Variants in ESPN observed in about 807,000 individuals in gnomAD.
ESPN encodes the protein espin.
A neutral mutation model predicts 77.7 loss-of-function variants in ESPN; 68 were observed. The observed-to-expected ratio is 0.87, with a 90% CI of 0.72 to 1.07. The LOEUF is 1.07. Ranked by LOEUF, ESPN falls within the 50% of genes least tolerant of loss-of-function variation. ESPN has a pLI of 0.00. For synonymous variants in ESPN, 449 were observed against 567.1 expected, an observed-to-expected ratio of 0.79 and a Z score of 2.96; for missense variants, 1,060 against 1,239.0, an observed-to-expected ratio of 0.86 and a Z score of 2.17.
At position 6,425,238 on chromosome 1, in the gene ESPN, T is replaced by G; in HGVS notation, c.283T>G (p.Cys95Gly). 6.4e-7 allele frequency: 1 copy of G among 1,566,392 alleles called. No individual in the cohort carries two copies. Among genetic ancestry groups the G allele is most frequent in the Non-Finnish European group, 8.6e-7 (1 of 1,164,768 alleles). The part of the protein sequence containing the change: ...CLQWLLSQGG[C>G]RVQDKDNSGA... Reference sequence around the variant, plus strand: ...GCAGTGGCTGCTGTCGCAGGGCGGCTGCAGAGTGCAGGTGGGTCCGCGCGG... The same window carrying G: ...GCAGTGGCTGCTGTCGCAGGGCGGCGGCAGAGTGCAGGTGGGTCCGCGCGG... The change falls in exon 1 of 13, where the codon TGC becomes GGC. Residue 95 changes from cysteine (C) to glycine (G), a missense_variant. By Grantham distance (159) the Cys-to-Gly change is radical. This residue lies in a region of ESPN where 556 missense variants were observed against 633.6 expected (regional missense o/e 0.88). Coordinates refer to ENST00000645284, the MANE Select transcript of ESPN (RefSeq NM_031475.3).
rs1557710069 is a variant in ESPN, at chr1:6,447,270, GC to G, written c.1464+1337del. On this transcript the variant is annotated intron_variant, in intron 7 of 12. Transcript: ENST00000645284. The surrounding 1 kb of genome is among the most constrained non-coding windows in gnomAD (Gnocchi z 5.2). ...GCCGTGTGCGTGCTGGGCCGCAGGC[GC>G]CAGGGCCGGGGCCCGGACGCTCCAC... is the stretch of plus-strand genomic sequence containing the variant. 6.6e-6 allele frequency: 1 copy of G among 152,242 alleles called. No individual in the cohort carries two copies. Among genetic ancestry groups the G allele is most frequent in the East Asian group, 1.9e-4 (1 of 5,192 alleles). The allele number at this position is 152,242 out of a possible 1,614,324, so 9.4% of individuals were successfully genotyped here.
intron 10 of ESPN, among the ~76,000 whole-genome samples, chr1:6,453,933 G>A (rs1446779579): frequency 6.6e-6 from 1 of 152,212 alleles, no homozygotes; most frequent in African/African-American, 2.4e-5. Flanking sequence ...GCCTCTTTAA[G>A]AGCGGAGTGG....
At chr1:6,453,390 C>T (rs574341168) in intron 10 of ESPN, among the ~76,000 whole-genome samples, 12 of 152,246 alleles carry the variant, frequency 7.9e-5, no homozygotes, top group African/African-American at 1.9e-4. Flanking sequence ...CAATGGGGAA[C>T]GCAGGGGACT....
chr1:6,433,197 C>T lies in ESPN; in HGVS notation c.488+4778C>T, dbSNP rs575818268. ...CAGTGGCTCATGCCTGTAATCCCAG[C>T]ACTTTGGGAAGCTGAGGCGGGCGGA... is the stretch of plus-strand genomic sequence containing the variant. On this transcript the variant is annotated intron_variant, in intron 2 of 12. Transcript: ENST00000645284. Among the ~76,000 whole-genome samples, 3 of 152,182 alleles carry T rather than the reference C, an allele frequency of 2.0e-5. No homozygotes were observed. In the East Asian group the frequency reaches 5.8e-4, roughly 29 times the overall value.
rs778471650 is a variant in ESPN at position 6,425,028 on chromosome 1, G to A, written c.73G>A (p.Gly25Ser). The change falls in exon 1 of 13, where the codon GGC becomes AGC. Residue 25 changes from glycine to serine, a missense_variant. Gly to Ser is a moderately conservative substitution (Grantham distance 56). Around this residue, in one of 3 missense-constraint regions of ESPN, gnomAD observed 556 missense variants for 633.6 expected, o/e 0.88. Transcript: ENST00000645284. ...CGTGCTGAGGTCGCTGCACGCCGCA[G>A]GCCTCCTGGGGCCCTCGCTGCGCGA... ...LDVLRSLHAA[G>S]LLGPSLRDPL... 4 of 1,466,604 alleles carry A rather than the reference G, an allele frequency of 2.7e-6. No individual in the cohort carries two copies. The South Asian group carries it at 5.2e-5, about 19-fold the overall frequency. The allele number at this position is 1,466,604 out of a possible 1,614,324, so 90.8% of individuals were successfully genotyped here.
rs570432061 is a variant in ESPN at position 6,447,371 on chromosome 1, C to G, written c.1465-1270C>G. 6 of 152,286 alleles carry G rather than the reference C, an allele frequency of 3.9e-5. No individual in the cohort carries two copies. Among genetic ancestry groups the G allele is most frequent in the Admixed American group, 3.3e-4 (5 of 15,296 alleles). 9.4% of individuals were successfully genotyped at this position (152,286 alleles called of 1,614,324 possible). A position where few individuals can be genotyped will look rare whatever the true frequency, so the allele number is the denominator to read the frequency against. ...GGGGCGGGAGCAGGGTCGTGGCGTC[C>G]GAACCTCCGGGCTGCAGGGGGCGCG... is the stretch of plus-strand genomic sequence containing the variant. On this transcript the variant is annotated intron_variant, in intron 7 of 12. Transcript: ENST00000645284. The surrounding 1 kb of genome is among the most constrained non-coding windows in gnomAD (Gnocchi z 5.2).
Position 6,440,633 on chromosome 1 carries a change from G to A in ESPN, c.683G>A (p.Cys228Tyr). 1 of 1,509,382 alleles carries A rather than the reference G, an allele frequency of 6.6e-7. No homozygotes were observed. Among genetic ancestry groups the A allele is most frequent in the Non-Finnish European group, 8.8e-7 (1 of 1,133,826 alleles). 93.5% of individuals were successfully genotyped at this position (1,509,382 alleles called of 1,614,324 possible). Residue 228 changes from cysteine to tyrosine, a missense_variant, in exon 4 of 13, where the codon TGC (cysteine) becomes TAC (tyrosine). Around this residue, in one of 3 missense-constraint regions of ESPN, gnomAD observed 556 missense variants for 633.6 expected, o/e 0.88. Coordinates refer to ENST00000645284, the MANE Select transcript of ESPN (RefSeq NM_031475.3). The part of the protein sequence containing the change: ...HSPVIVWLVS[C>Y]TDVSLSEQDK... Reference sequence around the variant, plus strand: ...CCCGCCCGTCCCGCCCAGGTGAGCTGCACCGACGTGAGCCTGTCCGAGCAG... The same window carrying A: ...CCCGCCCGTCCCGCCCAGGTGAGCTACACCGACGTGAGCCTGTCCGAGCAG...
chr1:6,459,738 A>G (rs1339173650), intron 12 of ESPN, among the ~76,000 whole-genome samples: 2 of 152,116 alleles, frequency 1.3e-5, no homozygotes, highest in Non-Finnish European at 2.9e-5. Flanking sequence ...ACAGTGACCC[A>G]GCACCTCTGT....
Position 6,441,006 on chromosome 1 carries a change from C to A in ESPN, c.931C>A (p.Leu311Met), listed in dbSNP as rs766939513. 16 of 1,610,240 alleles carry A rather than the reference C, an allele frequency of 9.9e-6. No homozygotes were observed. The highest frequency in any genetic ancestry group is 1.3e-5 in the Non-Finnish European group (15 of 1,179,282). ...CCGCGACGGGTACACGGCCGCCGACCTGTCGGACTTCAACGGCCACAGCCA... is the reference window on the plus strand; with the variant it reads ...CCGCGACGGGTACACGGCCGCCGACATGTCGGACTTCAACGGCCACAGCCA... ...RDRDGYTAAD[L>M]SDFNGHSHCT... Residue 311 changes from leucine to methionine, a missense_variant, in exon 5 of 13, where the codon CTG becomes ATG. Physicochemically the swap from Leu to Met is conservative, Grantham distance 15. Coordinates refer to ENST00000645284, the MANE Select transcript of ESPN (RefSeq NM_031475.3).
In ESPN at chr1:6,460,141, T is replaced by G; in HGVS notation, c.2560T>G (p.Tyr854Asp). The G allele has an allele frequency of 6.2e-7, 1 of 1,611,198 alleles. No individual in the cohort carries two copies. The highest frequency in any genetic ancestry group is 8.5e-7 in the Non-Finnish European group (1 of 1,179,362). The change falls in exon 13 of 13, where the codon TAC becomes GAC. Residue 854 changes from tyrosine to aspartate, a missense_variant. Transcript: ENST00000645284. Reference sequence around the variant, plus strand: ...CCTGAAGAAGGGGGACATCGCTAAGTACTAGAGGCCGCAGACTCCTGTCCG... The same window carrying G: ...CCTGAAGAAGGGGGACATCGCTAAGGACTAGAGGCCGCAGACTCCTGTCCG... Reference protein sequence around the residue: ...VILKKGDIAKY With the variant: ...VILKKGDIAKD
chr1:6,425,095 G>A lies in ESPN; in HGVS notation c.140G>A (p.Gly47Glu). ...ALPVHHAARA[G>E]KLHCLRFLVE... ...CCCGTGCACCACGCGGCCCGCGCTG[G>A]GAAGCTGCACTGTCTGCGCTTCCTG... Residue 47 changes from glycine (G) to glutamate (E), a missense_variant, in exon 1 of 13, where the codon GGG (glycine) becomes GAG (glutamate). By Grantham distance (98) the Gly-to-Glu change is moderately conservative. Around this residue, in one of 3 missense-constraint regions of ESPN, gnomAD observed 556 missense variants for 633.6 expected, o/e 0.88. Coordinates refer to ENST00000645284, the MANE Select transcript of ESPN (RefSeq NM_031475.3). The A allele has an allele frequency of 6.7e-7, 1 of 1,492,574 alleles. No individual in the cohort carries two copies. Among genetic ancestry groups the A allele is most frequent in the Non-Finnish European group, 8.9e-7 (1 of 1,129,472 alleles). 92.5% of individuals were successfully genotyped at this position (1,492,574 alleles called of 1,614,324 possible). A position where few individuals can be genotyped will look rare whatever the true frequency, so the allele number is the denominator to read the frequency against.
At chr1:6,458,055 CTT>C (rs897559452) in intron 12 of ESPN, among the ~76,000 whole-genome samples, 7 of 150,766 alleles carry the variant, frequency 4.6e-5, no homozygotes, top group African/African-American at 1.7e-4. Flanking sequence ...GGGTTTCACT[CTT>C]GTCACCCAAT....
chr1:6,454,602 G>A (rs1329069933), intron 10 of ESPN: 4 of 398,842 alleles, frequency 1.0e-5, no homozygotes, highest in Non-Finnish European at 1.3e-5. Flanking sequence ...GAAGCTGGAG[G>A]CGCGCCTCGA....
intron 2 of ESPN, among the ~76,000 whole-genome samples, chr1:6,438,972 C>T (rs756274334): frequency 1.6e-4 from 24 of 152,154 alleles, no homozygotes; most frequent in Non-Finnish European, 2.2e-4. Flanking sequence ...ATTAGCCAGG[C>T]GTGGTGGCAC....
chr1:6,436,585 G>T (rs1193005931), intron 2 of ESPN, among the ~76,000 whole-genome samples: 1 of 151,784 alleles, frequency 6.6e-6, no homozygotes, highest in Non-Finnish European at 1.5e-5. Context: ...GTTCCCTGCA[G>T]CCTCAACTTC....
rs146827363 is a variant in ESPN at position 6,440,031 on chromosome 1, G to A, written c.489-223G>A. Among the ~76,000 whole-genome samples, 1,217 of 152,170 alleles carry A rather than the reference G, an allele frequency of 8.0e-3. 13 individuals carry two copies. Among genetic ancestry groups the A allele is most frequent in the African/African-American group, 0.028 (1,149 of 41,538 alleles). ...CTCAAAAAAAAAAGTAGGACTGAGG[G>A]CAGGGCAGTGCTGGGTGGGACGCCC... On this transcript the variant is annotated intron_variant, in intron 2 of 12. Transcript: ENST00000645284.
chr1:6,428,137 C>T lies in ESPN; in HGVS notation c.295-89C>T. On this transcript the variant is annotated intron_variant, in intron 1 of 12. Coordinates refer to ENST00000645284, the MANE Select transcript of ESPN (RefSeq NM_031475.3). This position sits in a 1 kb window ranked among gnomAD's most constrained non-coding sequence, Gnocchi z 5.4. The stretch of plus-strand genomic sequence containing the variant: ...GGGAAGACAGAGAGCACAGAGCTAC[C>T]TTCCAGGCCTGTGGGAGTCTGGGAG... 1 of 1,382,838 alleles carries T rather than the reference C, an allele frequency of 7.2e-7. No individual in the cohort carries two copies. The highest frequency in any genetic ancestry group is 1.0e-6 in the Non-Finnish European group (1 of 972,838). 85.7% of individuals were successfully genotyped at this position (1,382,838 alleles called of 1,614,324 possible). A position where few individuals can be genotyped will look rare whatever the true frequency, so the allele number is the denominator to read the frequency against.
At chr1:6,438,386 G>T (rs1161183630) in intron 2 of ESPN, among the ~76,000 whole-genome samples, 1 of 152,262 alleles carries the variant, frequency 6.6e-6, no homozygotes, top group East Asian at 1.9e-4. Context: ...CTCTGCACAA[G>T]GTCAGGATGA....
chr1:6,455,482 G>T (rs1213795123), intron 10 of ESPN: 10 of 397,402 alleles, frequency 2.5e-5, no homozygotes, highest in African/African-American at 2.1e-5. Context: ...CAGCTGCTGA[G>T]GCAGCGGCAG....
Sources: gnomAD v4.1 joint callset for allele counts (sites outside exome capture counted in the v4.1 genomes callset) on GRCh38, gnomAD v4.1.1 for gene constraint, gnomAD v4.1.1 regional missense constraint, Gnocchi (gnomAD v3.1) non-coding constraint, MANE v1.5 for transcripts, NCBI Gene and HGNC (gene_info 2026-07-23, HGNC 2026-07-21) for gene names.